The following RPS6KA6 variants were observed in gnomAD, a reference collection of about 807,000 sequenced individuals.
The protein encoded by RPS6KA6 is ribosomal protein S6 kinase A6, also known as ribosomal protein S6 kinase alpha-6.
RPS6KA6 carries 27 observed loss-of-function variants against 65.4 expected under a neutral mutation model. The ratio of observed to expected loss-of-function variants is 0.41; its 90% CI spans 0.30 to 0.57. The LOEUF is 0.57. RPS6KA6 is among the 20% of genes least tolerant of loss of function. The pLI is 0.24. For missense variants in RPS6KA6, 486 were observed against 555.6 expected (o/e 0.87, Z 1.26); for synonymous variants, 190 against 184.2 (o/e 1.03, Z -0.26).
intron 5 of RPS6KA6, among the ~76,000 whole-genome samples, chrX:84,146,082 T>C (rs1329272227): frequency 3.6e-5 from 4 of 111,746 alleles, no homozygotes; most frequent in Admixed American, 2.9e-4. Flanking sequence ...CTATAGGTTA[T>C]AAATTTCTTG....
chrX:84,170,347 C>T lies in RPS6KA6; in HGVS notation c.82-5960G>A, dbSNP rs191887291. 5.5e-5 allele frequency among the ~76,000 whole-genome samples: 6 copies of T among 109,910 alleles called. No individual in the cohort carries two copies. The South Asian group carries it at 1.6e-3, about 29-fold the overall frequency. ...TCCACATCTACCTAAAATAAAGATC[C>T]GGCCAGGCATAGTGGCTCACGTCTG... On this transcript the variant is annotated intron_variant, in intron 1 of 21. Transcript: ENST00000262752.
At chrX:84,168,364 T>C (rs2035629818) in intron 1 of RPS6KA6, among the ~76,000 whole-genome samples, 1 of 111,661 alleles carries the variant, frequency 9.0e-6, no homozygotes, top group South Asian at 3.8e-4. Context: ...CACATGTTTA[T>C]CTCAGATGTC....
At chrX:84,157,173 T>C (rs766013985) in intron 2 of RPS6KA6, among the ~76,000 whole-genome samples, 2 of 111,702 alleles carry the variant, frequency 1.8e-5, no homozygotes, top group African/African-American at 6.5e-5. Flanking sequence ...CTAGACTTCA[T>C]AGCAGCTAAA....
At chrX:84,182,539 G>T (rs756559018) in intron 1 of RPS6KA6, among the ~76,000 whole-genome samples, 1 of 111,363 alleles carries the variant, frequency 9.0e-6, no homozygotes, top group South Asian at 3.8e-4. Context: ...TGAGAGGGTA[G>T]GTACTAAAAC....
Position 84,171,287 on chromosome X carries a change from T to C in RPS6KA6, c.82-6900A>G, listed in dbSNP as rs763193346. Among the ~76,000 whole-genome samples, 32 of 111,457 alleles carry C rather than the reference T, an allele frequency of 2.9e-4. No homozygotes were observed. In the South Asian group the frequency reaches 0.011, roughly 37 times the overall value. On this transcript the variant is annotated intron_variant, in intron 1 of 21. Transcript: ENST00000262752. ...GAGCCAAGCCCAGATTCCTGATCCA[T>C]AGAAACTGTGAGATAATAAATGTGT...
intron 8 of RPS6KA6, among the ~76,000 whole-genome samples, chrX:84,124,396 C>T (rs187097881): frequency 8.1e-5 from 9 of 111,243 alleles, no homozygotes; most frequent in Admixed American, 6.7e-4. Flanking sequence ...GGAAACTCAA[C>T]GAAACTAAAG....
rs1166151887 is a variant in RPS6KA6, at chrX:84,106,915, C to A, written c.1237G>T (p.Val413Phe). The change falls in exon 14 of 22, where the codon GTT (valine) becomes TTT (phenylalanine). Residue 413 changes from valine to phenylalanine, a missense_variant. Val to Phe is a conservative substitution (Grantham distance 50). Transcript: ENST00000262752. ...TGTGATTAAGTGGAATTTACCTGAA[C>A]AATTGGTAATACATTTGCACTTGTG... ...PITSANVLPIVQINGNAAQFG... is the reference protein window; with the variant it reads ...PITSANVLPIFQINGNAAQFG... The A allele has an allele frequency of 4.3e-6, 5 of 1,174,162 alleles. No homozygotes were observed. Among genetic ancestry groups the A allele is most frequent in the Non-Finnish European group, 5.7e-6 (5 of 871,450 alleles).
intron 6 of RPS6KA6, among the ~76,000 whole-genome samples, chrX:84,141,738 T>C (rs1008926398): frequency 1.8e-5 from 2 of 111,189 alleles, no homozygotes; most frequent in African/African-American, 3.3e-5. Flanking sequence ...TAGTATCAAA[T>C]AAGATTTTGA....
At chrX:84,182,132 A>G (rs549465858) in intron 1 of RPS6KA6, among the ~76,000 whole-genome samples, 1 of 109,370 alleles carries the variant, frequency 9.1e-6, no homozygotes. Context: ...TCTAATGTAG[A>G]GATACAGATT....
chrX:84,186,037 G>A (rs1264422080), intron 1 of RPS6KA6: 1 of 510,735 alleles, frequency 2.0e-6, no homozygotes, highest in Non-Finnish European at 3.5e-6. Flanking sequence ...AAAGAAGGCA[G>A]AAATACTATC....
rs181978976 is a variant in RPS6KA6, at chrX:84,168,184, T to C, written c.82-3797A>G. Among the ~76,000 whole-genome samples the C allele has an allele frequency of 5.6e-3, 625 of 111,311 alleles. 4 individuals are homozygous for C. Among genetic ancestry groups the C allele is most frequent in the African/African-American group, 0.02 (602 of 30,559 alleles). ...TACTCCAATTTCCTTTGCTGCTTTT[T>C]TTCAATACCCTTGAAACACTGTAAT... On this transcript the variant is annotated intron_variant, in intron 1 of 21. Transcript: ENST00000262752.
chrX:84,113,890 C>T (rs2034516396), intron 12 of RPS6KA6, among the ~76,000 whole-genome samples: 1 of 111,442 alleles, frequency 9.0e-6, no homozygotes, highest in Admixed American at 9.5e-5. Flanking sequence ...GAAAAGACTC[C>T]TCCAACAGAC....
intron 8 of RPS6KA6, among the ~76,000 whole-genome samples, chrX:84,131,544 T>A (rs1283984532): frequency 8.9e-6 from 1 of 111,978 alleles, no homozygotes; most frequent in Non-Finnish European, 1.9e-5. Context: ...GAACACTAGT[T>A]TCTTTGGCCA....
intron 1 of RPS6KA6, among the ~76,000 whole-genome samples, chrX:84,177,109 T>C (rs1197812295): frequency 9.0e-6 from 1 of 111,452 alleles, no homozygotes; most frequent in Non-Finnish European, 1.9e-5. Flanking sequence ...AAGAATAAAA[T>C]GTTTCAAAAT....
intron 2 of RPS6KA6, among the ~76,000 whole-genome samples, chrX:84,159,798 A>ATGGG (rs2035482550): frequency 9.0e-6 from 1 of 110,805 alleles, no homozygotes; most frequent in African/African-American, 3.3e-5. Context: ...ATGAGGCCAT[A>ATGGG]TGGGTGGGTT....
intron 1 of RPS6KA6, among the ~76,000 whole-genome samples, chrX:84,169,524 T>C (rs2035647897): frequency 8.9e-6 from 1 of 111,968 alleles, no homozygotes; most frequent in Non-Finnish European, 1.9e-5. Context: ...AGTTTACTGT[T>C]ATCTATGATA....
chrX:84,064,524 G>A, intron 21 of RPS6KA6, 122 bp from the exon 22 acceptor site: 1 of 615,718 alleles, frequency 1.6e-6, no homozygotes, highest in Non-Finnish European at 2.4e-6. Flanking sequence ...GAAAATAATT[G>A]AATATATTAG....
intron 16 of RPS6KA6, among the ~76,000 whole-genome samples, chrX:84,105,078 T>C (rs889676558): frequency 2.9e-4 from 32 of 110,872 alleles, no homozygotes; most frequent in African/African-American, 1.0e-3. Context: ...ATTATCTGAT[T>C]TGGTATCTTA....
rs1340164549 is a variant in RPS6KA6 at position 84,061,145 on chromosome X, G to T, written c.*3132C>A. The stretch of plus-strand genomic sequence containing the variant: ...AGAATGTACAGAATACCACAAATAT[G>T]CTTTGCCCACTTTAAAGCCTAAGTT... On this transcript the variant is annotated 3_prime_UTR_variant, in exon 22 of 22. Coordinates refer to ENST00000262752, the MANE Select transcript of RPS6KA6 (RefSeq NM_014496.5). The T allele has an allele frequency of 8.9e-6, 1 of 112,395 alleles. No individual in the cohort carries two copies. The highest frequency in any genetic ancestry group is 3.2e-5 in the African/African-American group (1 of 30,977). 9.3% of individuals were successfully genotyped at this position (112,395 alleles called of 1,213,427 possible).
Sources: gnomAD v4.1 joint callset for allele counts (sites outside exome capture counted in the v4.1 genomes callset) on GRCh38, gnomAD v4.1.1 for gene constraint, MANE v1.5 for transcripts, NCBI Gene and HGNC (gene_info 2026-07-23, HGNC 2026-07-21) for gene names.